PITX1: variants seen among roughly 807,000 people sequenced by gnomAD.
PITX1 encodes the protein paired like homeodomain 1.
Under a neutral mutation model 24.1 loss-of-function variants are expected in PITX1, and 5 were observed. That is an observed-to-expected ratio of 0.21 (90% CI 0.11 to 0.44). The LOEUF (loss-of-function observed/expected upper bound fraction) is 0.44, where lower values mean the gene tolerates loss of function less well. Ranked by LOEUF, PITX1 falls within the 20% of genes least tolerant of loss-of-function variation. PITX1 has a pLI of 0.99. For synonymous variants in PITX1, 213 were observed against 208.9 expected, an observed-to-expected ratio of 1.02 and a Z score of -0.17; for missense variants, 401 against 455.4, an observed-to-expected ratio of 0.88 and a Z score of 1.09.
At chr5:135,030,627 T>A (rs1580926586) in intron 2 of PITX1, among the ~76,000 whole-genome samples, 2 of 152,162 alleles carry the variant, frequency 1.3e-5, no homozygotes, top group East Asian at 3.9e-4. Context: ...TGAGATGGCA[T>A]ATCCTAAAAG....
Position 135,033,625 on chromosome 5 carries a change from G to T in PITX1, c.169+88C>A. On this transcript the variant is annotated intron_variant, in intron 1 of 2. Transcript: ENST00000265340. This position sits in a 1 kb window ranked among gnomAD's most constrained non-coding sequence, Gnocchi z 5.9. ...TGGGGCGGAGAGGGAGCTTGGTTGC[G>T]CGGCGCGGGCGTCAGGCCCTGCTCC... 1 of 1,347,540 alleles carries T rather than the reference G, an allele frequency of 7.4e-7. No individual in the cohort carries two copies. Among genetic ancestry groups the T allele is most frequent in the Non-Finnish European group, 1.0e-6 (1 of 970,344 alleles). The allele number at this position is 1,347,540 out of a possible 1,614,324, so 83.5% of individuals were successfully genotyped here. A position where few individuals can be genotyped will look rare whatever the true frequency, so the allele number is the denominator to read the frequency against.
At chr5:135,032,488 A>C (rs1450465783) in intron 1 of PITX1, among the ~76,000 whole-genome samples, 1 of 152,214 alleles carries the variant, frequency 6.6e-6, no homozygotes, top group Admixed American at 6.5e-5. Context: ...TCCCCAAATA[A>C]CACCACTGTA....
Position 135,033,340 on chromosome 5 carries a change from G to A in PITX1, c.169+373C>T. The A allele has an allele frequency of 3.5e-6, 1 of 287,510 alleles. No homozygotes were observed. The highest frequency in any genetic ancestry group is 6.6e-6 in the Non-Finnish European group (1 of 152,184). The allele number at this position is 287,510 out of a possible 1,614,324, so 17.8% of individuals were successfully genotyped here. A position where few individuals can be genotyped will look rare whatever the true frequency, so the allele number is the denominator to read the frequency against. ...TCTCTCTGAGTGCGTTCTCTCGCCC[G>A]TCACCCCTCTTCCTTTCTCGGTCTC... On this transcript the variant is annotated intron_variant, in intron 1 of 2. Transcript: ENST00000265340. This position sits in a 1 kb window ranked among gnomAD's most constrained non-coding sequence, Gnocchi z 5.9.
chr5:135,030,672 C>A (rs1752431784), intron 2 of PITX1, among the ~76,000 whole-genome samples: 1 of 152,202 alleles, frequency 6.6e-6, no homozygotes, highest in South Asian at 2.1e-4. Context: ...CGGAGCCACC[C>A]CCCACCTCAC....
In PITX1 at chr5:135,034,101, G is replaced by A. The variant is rs1752521097; in HGVS notation, c.-220C>T. On this transcript the variant is annotated 5_prime_UTR_variant, in exon 1 of 3. Coordinates refer to ENST00000265340, the MANE Select transcript of PITX1 (RefSeq NM_002653.5). The stretch of plus-strand genomic sequence containing the variant: ...TTCTCGCGACTGGGCGCCTGGCTCA[G>A]CGCTCCGCGCTGCGCTCCTGCCGCT... 2 of 166,538 alleles carry A rather than the reference G, an allele frequency of 1.2e-5. No individual in the cohort carries two copies. Among genetic ancestry groups the A allele is most frequent in the South Asian group, 2.0e-4 (1 of 4,988 alleles). 10.3% of individuals were successfully genotyped at this position (166,538 alleles called of 1,614,324 possible).
Position 135,033,655 on chromosome 5 carries a change from T to TC in PITX1, c.169+57dup. ...GCGGGCGTCAGGCCCTGCTCCCAGC[T>TC]CCCCGTGCTCCGCGCCCGGGTAGGC... On this transcript the variant is annotated intron_variant, in intron 1 of 2. Transcript: ENST00000265340. The surrounding 1 kb of genome is among the most constrained non-coding windows in gnomAD (Gnocchi z 5.9). 1 of 1,553,378 alleles carries TC rather than the reference T, an allele frequency of 6.4e-7. No individual in the cohort carries two copies.
chr5:135,029,423 G>GAACGTC, intron 2 of PITX1, 102 bp from the exon 3 acceptor site: 4 of 930,950 alleles, frequency 4.3e-6, no homozygotes, highest in Non-Finnish European at 1.6e-6. Flanking sequence ...GCTGCCCTCC[G>GAACGTC]AACGTCGTTT....
At position 135,027,937 on chromosome 5, in the gene PITX1, G is replaced by C. The variant is rs1322778685; in HGVS notation, c.*842C>G. ...ACTCTTGCACGGCGGGCGGTGAGGA[G>C]GGGGCTGTTCGCCCAGACAGAGGGC... is the stretch of plus-strand genomic sequence containing the variant. On this transcript the variant is annotated 3_prime_UTR_variant, in exon 3 of 3. Coordinates refer to ENST00000265340, the MANE Select transcript of PITX1 (RefSeq NM_002653.5). 6.6e-6 allele frequency: 1 copy of C among 152,662 alleles called. No homozygotes were observed. The highest frequency in any genetic ancestry group is 1.5e-5 in the Non-Finnish European group (1 of 68,114). The allele number at this position is 152,662 out of a possible 1,614,324, so 9.5% of individuals were successfully genotyped here. A position where few individuals can be genotyped will look rare whatever the true frequency, so the allele number is the denominator to read the frequency against.
Position 135,033,337 on chromosome 5 carries a change from C to A in PITX1, c.169+376G>T. On this transcript the variant is annotated intron_variant, in intron 1 of 2. Transcript: ENST00000265340. This position sits in a 1 kb window ranked among gnomAD's most constrained non-coding sequence, Gnocchi z 5.9. ...CTGTCTCTCTGAGTGCGTTCTCTCG[C>A]CCGTCACCCCTCTTCCTTTCTCGGT... The A allele has an allele frequency of 3.3e-6, 1 of 306,074 alleles. No homozygotes were observed. Among genetic ancestry groups the A allele is most frequent in the South Asian group, 2.8e-5 (1 of 35,126 alleles). 19.0% of individuals were successfully genotyped at this position (306,074 alleles called of 1,614,324 possible).
At chr5:135,030,130 T>TC (rs1332908165) in intron 2 of PITX1, among the ~76,000 whole-genome samples, 1 of 152,224 alleles carries the variant, frequency 6.6e-6, no homozygotes, top group East Asian at 1.9e-4. Flanking sequence ...CTTCCTTTTC[T>TC]CCCCCCAAAT....
Position 135,034,154 on chromosome 5 carries a change from G to A in PITX1, c.-273C>T, listed in dbSNP as rs1340179579. On this transcript the variant is annotated 5_prime_UTR_variant, in exon 1 of 3. Coordinates refer to ENST00000265340, the MANE Select transcript of PITX1 (RefSeq NM_002653.5). ...GGCCTCAGCAGCCCGGCCGGCCCCG[G>A]CTCCGGCTCCGGCTCCGGCTCGCGA... The A allele has an allele frequency of 2.0e-5, 1 of 49,578 alleles. No individual in the cohort carries two copies. Among genetic ancestry groups the A allele is most frequent in the Non-Finnish European group, 3.3e-5 (1 of 30,428 alleles). 3.1% of individuals were successfully genotyped at this position (49,578 alleles called of 1,614,324 possible).
Position 135,031,393 on chromosome 5 carries a change from G to A in PITX1, c.285C>T (p.His95=). 6.2e-7 allele frequency: 1 copy of A among 1,614,116 alleles called. No individual in the cohort carries two copies. The highest frequency in any genetic ancestry group is 8.5e-7 in the Non-Finnish European group (1 of 1,179,948). The part of the protein sequence containing the change: ...KKKKQRRQRT[H]FTSQQLQELE... ...GCTCTTGCAACTGCTGGCTTGTGAA[G>A]TGCGTACGTTGCCGCCGCTGCTTCT... Residue 95 remains histidine, a synonymous_variant, in exon 2 of 3, where the codon CAC becomes CAT. Transcript: ENST00000265340.
Position 135,031,230 on chromosome 5 carries a change from G to A in PITX1, c.402+46C>T, listed in dbSNP as rs779160492. The A allele has an allele frequency of 1.5e-5, 23 of 1,489,700 alleles. No homozygotes were observed. In the African/African-American group the frequency reaches 2.1e-4, roughly 13 times the overall value. 92.3% of individuals were successfully genotyped at this position (1,489,700 alleles called of 1,614,324 possible). On this transcript the variant is annotated intron_variant, in intron 2 of 2. Transcript: ENST00000265340. ...TGGAGGGCTGCAGCAGAGGCGGCCC[G>A]GGAGCCCTCTGCGCGGGTGCCCTTA...
chr5:135,029,311 T>C lies in PITX1; in HGVS notation c.413A>G (p.Lys138Arg). 1 of 1,595,530 alleles carries C rather than the reference T, an allele frequency of 6.3e-7. No homozygotes were observed. Among genetic ancestry groups the C allele is most frequent in the Non-Finnish European group, 8.5e-7 (1 of 1,169,956 alleles). The change falls in exon 3 of 3, where the codon AAG (lysine) becomes AGG (arginine). Residue 138 changes from lysine (K) to arginine (R), a missense_variant. Transcript: ENST00000265340. ...LTEPRVRVWF[K>R]NRRAKWRKRE... ...CTTACGCCACTTGGCTCGCCGGTTC[T>C]TGAACCAGACCTGGGGGAGGGGACG...
chr5:135,029,350 G>C, intron 2 of PITX1, 29 bp from the exon 3 acceptor site: 1 of 1,541,772 alleles, frequency 6.5e-7, no homozygotes, highest in East Asian at 2.3e-5. Flanking sequence ...GAAGGGTCAG[G>C]GCCGCTGCGG....
In PITX1 at chr5:135,033,252, G is replaced by A; in HGVS notation, c.169+461C>T. The A allele has an allele frequency of 7.1e-6, 1 of 140,258 alleles. No individual in the cohort carries two copies. The highest frequency in any genetic ancestry group is 4.1e-5 in the South Asian group (1 of 24,646). The allele number at this position is 140,258 out of a possible 1,614,324, so 8.7% of individuals were successfully genotyped here. Reference sequence around the variant, plus strand: ...CTCCCCCCGTTTACCCTTCCCGCCCGCCCCTTCTCTTTGGTCTCTTTCATT... The same window carrying A: ...CTCCCCCCGTTTACCCTTCCCGCCCACCCCTTCTCTTTGGTCTCTTTCATT... On this transcript the variant is annotated intron_variant, in intron 1 of 2. Coordinates refer to ENST00000265340, the MANE Select transcript of PITX1 (RefSeq NM_002653.5). The surrounding 1 kb of genome is among the most constrained non-coding windows in gnomAD (Gnocchi z 5.9).
chr5:135,029,111 T>G lies in PITX1; in HGVS notation c.613A>C (p.Met205Leu), dbSNP rs149498254. 2.0e-4 allele frequency: 318 copies of G among 1,614,028 alleles called. No individual in the cohort carries two copies. Among genetic ancestry groups the G allele is most frequent in the Middle Eastern group, 1.8e-3 (11 of 6,084 alleles). ...ATGGACTGCGACGACAGCGGGCTCA[T>G]GGAGTTGAAGAAGGTGAAGCTCTTG... is the stretch of plus-strand genomic sequence containing the variant. ...STKSFTFFNS[M>L]SPLSSQSMFS... The change falls in exon 3 of 3, where the codon ATG (methionine) becomes CTG (leucine). Residue 205 changes from methionine to leucine, a missense_variant. By Grantham distance (15) the Met-to-Leu change is conservative. Transcript: ENST00000265340.
In PITX1 at chr5:135,029,173, C is replaced by G. The variant is rs1212664689; in HGVS notation, c.551G>C (p.Trp184Ser). The stretch of plus-strand genomic sequence containing the variant: ...CGCTGGCGCCAGGCTCTTGGCGGCC[C>G]AGTTGTTGTAGGAGTAGCCGGCGGC... ...VYAAGYSYNN[W>S]AAKSLAPAPL... The change falls in exon 3 of 3, where the codon TGG becomes TCG. Residue 184 changes from tryptophan (W) to serine (S), a missense_variant. Trp to Ser is a radical substitution (Grantham distance 177). Around this residue, in one of 3 missense-constraint regions of PITX1, gnomAD observed 217 missense variants for 219.8 expected, o/e 0.99. Coordinates refer to ENST00000265340, the MANE Select transcript of PITX1 (RefSeq NM_002653.5). The G allele has an allele frequency of 6.2e-7, 1 of 1,614,104 alleles. No homozygotes were observed. The highest frequency in any genetic ancestry group is 8.5e-7 in the Non-Finnish European group (1 of 1,180,050).
Position 135,033,813 on chromosome 5 carries a change from T to TGGCGGC in PITX1, c.63_68dup (p.Pro23_Pro24dup), listed in dbSNP as rs752690307. The TGGCGGC allele has an allele frequency of 1.9e-5, 29 of 1,553,548 alleles. No homozygotes were observed. The highest frequency in any genetic ancestry group is 1.1e-4 in the African/African-American group (8 of 70,546). On this transcript the variant is annotated inframe_insertion, in exon 1 of 3. Transcript: ENST00000265340. The surrounding 1 kb of genome is among the most constrained non-coding windows in gnomAD (Gnocchi z 5.9). ...GGAAGGCGGGCCCCATGTCATGGGG[T>TGGCGGC]GGCGGCGGCGGCGGCCGGAGCCCCT...
Sources: allele counts gnomAD v4.1 joint callset (sites outside exome capture counted in the v4.1 genomes callset), GRCh38; gene constraint gnomAD v4.1.1; regional missense constraint gnomAD v4.1.1; non-coding constraint Gnocchi (gnomAD v3.1); transcripts MANE v1.5; gene names NCBI Gene and HGNC (gene_info 2026-07-23, HGNC 2026-07-21).